CDH4: variants seen among roughly 807,000 people sequenced by gnomAD.
CDH4 encodes cadherin-4.
A neutral mutation model predicts 86.0 loss-of-function variants in CDH4; 33 were observed. The ratio of observed to expected loss-of-function variants is 0.38; its 90% CI spans 0.29 to 0.51. The LOEUF is 0.51. CDH4 is among the 20% of genes least tolerant of loss of function. The pLI is 0.86. For missense variants in CDH4, 1,114 were observed against 1,307.4 expected (o/e 0.85, Z 2.28); for synonymous variants, 555 against 549.4 (o/e 1.01, Z -0.14).
chr20:61,379,382 A>G (rs1451466545), intron 2 of CDH4, among the ~76,000 whole-genome samples: 1 of 152,082 alleles, frequency 6.6e-6, no homozygotes, highest in Non-Finnish European at 1.5e-5. Context: ...ACAACCACGT[A>G]GAGTCATCCT....
intron 4 of CDH4, among the ~76,000 whole-genome samples, chr20:61,792,737 A>G (rs1421356396): frequency 1.3e-5 from 2 of 150,922 alleles, no homozygotes; most frequent in African/African-American, 4.9e-5. Flanking sequence ...TGCAACCTCC[A>G]CCTCCCAGGT....
At chr20:61,664,593 C>A (rs563433213) in intron 2 of CDH4, among the ~76,000 whole-genome samples, 1 of 152,264 alleles carries the variant, frequency 6.6e-6, no homozygotes, top group African/African-American at 2.4e-5. Context: ...GACCCAGGAG[C>A]AGGTCTTGCC....
At chr20:61,418,203 T>C (rs1156588198) in intron 2 of CDH4, among the ~76,000 whole-genome samples, 1 of 121,500 alleles carries the variant, frequency 8.2e-6, no homozygotes, top group South Asian at 2.7e-4. Context: ...CTTTTTTCTT[T>C]TTTTTCTTTT....
At chr20:61,767,039 G>A (rs1242027587) in intron 3 of CDH4, among the ~76,000 whole-genome samples, 1 of 152,242 alleles carries the variant, frequency 6.6e-6, no homozygotes, top group African/African-American at 2.4e-5. Context: ...CCAAGCTTGA[G>A]CGGGGCTTCA....
At chr20:61,489,632 C>T (rs1485389618) in intron 2 of CDH4, among the ~76,000 whole-genome samples, 2 of 152,242 alleles carry the variant, frequency 1.3e-5, no homozygotes, top group Non-Finnish European at 2.9e-5. Context: ...AGGGTTGATT[C>T]AGCCGATTGG....
At chr20:61,917,787 A>C (rs1600770641) in intron 9 of CDH4, among the ~76,000 whole-genome samples, 1 of 152,080 alleles carries the variant, frequency 6.6e-6, no homozygotes, top group African/African-American at 2.4e-5. Context: ...CCTAATCGAA[A>C]CTGCTGGAGC....
At chr20:61,757,981 A>G (rs6061347) in intron 3 of CDH4, among the ~76,000 whole-genome samples, 6,612 of 152,196 alleles carry the variant, frequency 0.043, 508 homozygotes, top group African/African-American at 0.15. Context: ...ACTGCTGTGT[A>G]GCAGCTCTCT....
rs1489983616 is a variant in CDH4 at position 61,565,087 on chromosome 20, TG to T, written c.170-178475del. Among the ~76,000 whole-genome samples the T allele has an allele frequency of 1.3e-3, 132 of 102,028 alleles. 2 individuals carry two copies. The highest frequency in any genetic ancestry group is 2.1e-3 in the Non-Finnish European group (102 of 48,354). The allele number at this position is 102,028 out of a possible 152,430, so 66.9% of individuals were successfully genotyped here. ...TTGGTGGTGGTGGTGGTGGTGGTGG[TG>T]CTCTTGGTGGTGCTCTTGGTGGTGC... is the stretch of plus-strand genomic sequence containing the variant. On this transcript the variant is annotated intron_variant, in intron 2 of 15. Transcript: ENST00000614565.
chr20:61,859,730 G>A (rs926952769), intron 6 of CDH4, among the ~76,000 whole-genome samples: 4 of 152,252 alleles, frequency 2.6e-5, no homozygotes, highest in African/African-American at 9.6e-5. Context: ...CTGTTCCTAG[G>A]TTTATTGGTC....
At chr20:61,768,396 A>AT (rs1196403770) in intron 3 of CDH4, among the ~76,000 whole-genome samples, 6 of 152,170 alleles carry the variant, frequency 3.9e-5, no homozygotes, top group Admixed American at 3.9e-4. Flanking sequence ...ATGTGTGCAT[A>AT]GCGCCTGTAT....
intron 2 of CDH4, among the ~76,000 whole-genome samples, chr20:61,733,984 G>C (rs534081830): frequency 6.6e-6 from 1 of 152,270 alleles, no homozygotes; most frequent in Non-Finnish European, 1.5e-5. Flanking sequence ...GAAGCGGAGC[G>C]CATGTCACTC....
rs556013826 is a variant in CDH4, at chr20:61,501,727, C to T, written c.170-241836C>T. ...TACTAGCTATCTTCACAAGCACCAC[C>T]CCGCCACTGCCTCCACCATTCGTTA... On this transcript the variant is annotated intron_variant, in intron 2 of 15. Transcript: ENST00000614565. This position sits in a 1 kb window ranked among gnomAD's most constrained non-coding sequence, Gnocchi z 4.2. Among the ~76,000 whole-genome samples the T allele has an allele frequency of 2.0e-4, 31 of 152,128 alleles. No individual in the cohort carries two copies. The highest frequency in any genetic ancestry group is 4.1e-4 in the Non-Finnish European group (28 of 68,036).
chr20:61,491,190 G>A (rs2085623975), intron 2 of CDH4, among the ~76,000 whole-genome samples: 1 of 152,340 alleles, frequency 6.6e-6, no homozygotes, highest in Admixed American at 6.5e-5. Context: ...TGCGCATAGT[G>A]TGGATAAGCC....
intron 9 of CDH4, among the ~76,000 whole-genome samples, chr20:61,911,410 A>G (rs940670337): frequency 6.6e-6 from 1 of 152,260 alleles, no homozygotes; most frequent in African/African-American, 2.4e-5. Flanking sequence ...CTGGAAGGGC[A>G]GATTGGGAAT....
At chr20:61,817,664 C>A (rs533219130) in intron 4 of CDH4, among the ~76,000 whole-genome samples, 1 of 152,152 alleles carries the variant, frequency 6.6e-6, no homozygotes, top group African/African-American at 2.4e-5. Flanking sequence ...CAGGTGTCTG[C>A]GCGTTCATCT....
At chr20:61,724,173 T>C (rs6142836) in intron 2 of CDH4, among the ~76,000 whole-genome samples, 48,077 of 148,400 alleles carry the variant, frequency 0.32, 9,006 homozygotes, top group South Asian at 0.43. Context: ...GGAGGCTCCA[T>C]GCGGCAGGCG....
intron 6 of CDH4, among the ~76,000 whole-genome samples, chr20:61,860,430 C>T (rs549630541): frequency 3.3e-5 from 5 of 152,332 alleles, no homozygotes; most frequent in African/African-American, 1.2e-4. Context: ...CTGAACGATG[C>T]AGTTTTCTGG....
intron 2 of CDH4, among the ~76,000 whole-genome samples, chr20:61,611,913 G>A (rs545256913): frequency 1.5e-4 from 23 of 152,214 alleles, no homozygotes; most frequent in African/African-American, 3.6e-4. Context: ...GTGGATGGGC[G>A]AAAACTTCTT....
Position 61,894,909 on chromosome 20 carries a change from G to A in CDH4, c.1051-1G>A. On this transcript the variant is annotated splice_acceptor_variant, in intron 7 of 15. Transcript: ENST00000614565. LOFTEE classifies it high-confidence loss of function. ...TTTCTCAACTGGTGTCTCCCTTCCA[G>A]AAAGTTCAGCAGTACACAGTCATCG... The A allele has an allele frequency of 6.2e-7, 1 of 1,609,758 alleles. No homozygotes were observed. The highest frequency in any genetic ancestry group is 1.3e-5 in the African/African-American group (1 of 74,926).
Sources: gnomAD v4.1 joint callset for allele counts (sites outside exome capture counted in the v4.1 genomes callset) on GRCh38, gnomAD v4.1.1 for gene constraint, Gnocchi (gnomAD v3.1) non-coding constraint, MANE v1.5 for transcripts, NCBI Gene and HGNC (gene_info 2026-07-23, HGNC 2026-07-21) for gene names.